Variants in PRKG1 observed in about 807,000 individuals in gnomAD.
PRKG1 encodes the protein protein kinase cGMP-dependent 1.
In PRKG1, 35 loss-of-function variants were observed where a neutral mutation model predicts 88.1. That is an observed-to-expected ratio of 0.40 (90% CI 0.30 to 0.53). The LOEUF is 0.53. Among genes scored for constraint, PRKG1 ranks in the 20% least tolerant of loss-of-function variants. The pLI, the probability that PRKG1 is intolerant of heterozygous loss-of-function variation, is 0.59. For missense variants in PRKG1, 540 were observed against 839.8 expected, an observed-to-expected ratio of 0.64 and a Z score of 4.41; for synonymous variants, 303 against 292.5, an observed-to-expected ratio of 1.04 and a Z score of -0.37.
chr10:52,171,786 ATTTTTTT>A lies in PRKG1; in HGVS notation c.1076+9844_1076+9850del, dbSNP rs545195374. 7.0e-3 allele frequency among the ~76,000 whole-genome samples: 659 copies of A among 93,846 alleles called. 6 individuals carry two copies. The highest frequency in any genetic ancestry group is 0.025 in the African/African-American group (578 of 23,436). The allele number at this position is 93,846 out of a possible 152,430, so 61.6% of individuals were successfully genotyped here. ...ATAGAAGTATTTTTCTTTTATCAAAATTTTTTTTTTTTTTTTTTTTTTTTTTTGAGAC... is the reference window on the plus strand; with the variant it reads ...ATAGAAGTATTTTTCTTTTATCAAAATTTTTTTTTTTTTTTTTTTTGAGAC... On this transcript the variant is annotated intron_variant, in intron 9 of 17. Coordinates refer to ENST00000373980, the MANE Select transcript of PRKG1 (RefSeq NM_006258.4).
intron 5 of PRKG1, among the ~76,000 whole-genome samples, chr10:51,944,530 C>G (rs921408304): frequency 4.5e-4 from 69 of 152,014 alleles, no homozygotes; most frequent in Middle Eastern, 3.4e-3. Context: ...TTTTCTAGTT[C>G]TTTTAATTAT....
chr10:51,734,981 G>T (rs1160778562), intron 3 of PRKG1, among the ~76,000 whole-genome samples: 1 of 152,098 alleles, frequency 6.6e-6, no homozygotes, highest in Non-Finnish European at 1.5e-5. Flanking sequence ...CTCATTTGTG[G>T]GAGGATTTCT....
chr10:51,690,692 C>A (rs1841113976), intron 3 of PRKG1, among the ~76,000 whole-genome samples: 3 of 151,874 alleles, frequency 2.0e-5, no homozygotes, highest in Non-Finnish European at 4.4e-5. Flanking sequence ...CTTTGGGAGG[C>A]CGAGGAGGGT....
chr10:51,876,914 T>C (rs2132870380), intron 4 of PRKG1, among the ~76,000 whole-genome samples: 1 of 152,284 alleles, frequency 6.6e-6, no homozygotes, highest in South Asian at 2.1e-4. Context: ...TTCCCCACAA[T>C]GGAAATTTGC....
intron 5 of PRKG1, 189 bp downstream of exon 5, chr10:51,907,759 G>T (rs1275636387): frequency 6.5e-6 from 3 of 464,392 alleles, no homozygotes; most frequent in Non-Finnish European, 1.1e-5. Flanking sequence ...TATGCAGAAA[G>T]GTGCAAATCA....
chr10:52,047,094 G>A (rs997543379), intron 5 of PRKG1, among the ~76,000 whole-genome samples: 3 of 152,144 alleles, frequency 2.0e-5, no homozygotes, highest in Non-Finnish European at 4.4e-5. Context: ...CCAGTAGGTT[G>A]GGACAGGGTG....
At chr10:51,886,843 G>T (rs1446511027) in intron 4 of PRKG1, among the ~76,000 whole-genome samples, 1 of 152,082 alleles carries the variant, frequency 6.6e-6, no homozygotes, top group Admixed American at 6.5e-5. Flanking sequence ...TCACTCAGTT[G>T]GTCCTGCAGT....
At chr10:51,093,788 TTA>T (rs879690396) in intron 1 of PRKG1, among the ~76,000 whole-genome samples, 6,321 of 133,162 alleles carry the variant, frequency 0.047, 225 homozygotes, top group Middle Eastern at 0.064. Flanking sequence ...TATATGTATT[TTA>T]TATATATATA....
chr10:51,127,786 G>A (rs1447194900), intron 1 of PRKG1, among the ~76,000 whole-genome samples: 1 of 152,148 alleles, frequency 6.6e-6, no homozygotes, highest in Non-Finnish European at 1.5e-5. Flanking sequence ...CCATAAAAAG[G>A]AATGAGTTCA....
At chr10:52,031,176 G>A (rs889923485) in intron 5 of PRKG1, among the ~76,000 whole-genome samples, 1 of 152,108 alleles carries the variant, frequency 6.6e-6, no homozygotes, top group Non-Finnish European at 1.5e-5. Flanking sequence ...CAACGCTGTT[G>A]CCTGTGAATT....
intron 7 of PRKG1, among the ~76,000 whole-genome samples, chr10:52,119,019 T>C (rs1847754053): frequency 6.6e-6 from 1 of 152,168 alleles, no homozygotes; most frequent in Admixed American, 6.5e-5. Context: ...GAGAATCTAT[T>C]ATTTAAAGTG....
At chr10:51,197,400 G>A (rs1247539769) in intron 2 of PRKG1, among the ~76,000 whole-genome samples, 2 of 152,006 alleles carry the variant, frequency 1.3e-5, no homozygotes, top group Non-Finnish European at 2.9e-5. Context: ...AGCCTCCCAA[G>A]TGGCTGGGAC....
chr10:51,907,700 C>A, intron 5 of PRKG1, 130 bp downstream of exon 5: 1 of 724,260 alleles, frequency 1.4e-6, no homozygotes, highest in African/African-American at 1.8e-5. Context: ...CTGGGATGAG[C>A]TATATATTTG....
chr10:51,198,051 A>G (rs1027813703), intron 2 of PRKG1, among the ~76,000 whole-genome samples: 2 of 151,980 alleles, frequency 1.3e-5, no homozygotes, highest in African/African-American at 4.8e-5. Flanking sequence ...AATTTTGATT[A>G]TTTTGCTTTT....
At chr10:52,012,873 T>C (rs979424961) in intron 5 of PRKG1, among the ~76,000 whole-genome samples, 2 of 152,224 alleles carry the variant, frequency 1.3e-5, no homozygotes, top group Non-Finnish European at 2.9e-5. Flanking sequence ...GTGATTATAT[T>C]CACCGCATAC....
At chr10:51,144,600 C>A (rs1845896902) in intron 1 of PRKG1, among the ~76,000 whole-genome samples, 1 of 152,054 alleles carries the variant, frequency 6.6e-6, no homozygotes, top group South Asian at 2.1e-4. Context: ...TTGGTAACCA[C>A]AGAGCTTTTA....
chr10:52,267,872 C>A (rs1335135421), intron 10 of PRKG1, among the ~76,000 whole-genome samples: 1 of 151,980 alleles, frequency 6.6e-6, no homozygotes, highest in Non-Finnish European at 1.5e-5. Flanking sequence ...TAGATTGTTT[C>A]TAAATTTTTC....
At chr10:51,346,894 C>T (rs1177718022) in intron 2 of PRKG1, among the ~76,000 whole-genome samples, 1 of 152,114 alleles carries the variant, frequency 6.6e-6, no homozygotes, top group African/African-American at 2.4e-5. Context: ...TTGTGGCTCT[C>T]TTGTGTAAAC....
intron 12 of PRKG1, among the ~76,000 whole-genome samples, chr10:52,276,595 C>T (rs528861895): frequency 2.6e-4 from 40 of 152,198 alleles, no homozygotes; most frequent in African/African-American, 9.6e-4. Context: ...AACAACCACC[C>T]ATCCCCAAAG....
Sources: gnomAD v4.1 joint callset for allele counts (sites outside exome capture counted in the v4.1 genomes callset) on GRCh38, gnomAD v4.1.1 for gene constraint, MANE v1.5 for transcripts, NCBI Gene and HGNC (gene_info 2026-07-23, HGNC 2026-07-21) for gene names.